The following DLG2 variants were observed in gnomAD, a reference collection of about 807,000 sequenced individuals.
The protein encoded by DLG2 is disks large homolog 2.
Under a neutral mutation model 132.5 loss-of-function variants are expected in DLG2, and 45 were observed. The observed-to-expected ratio is 0.34, with a 90% CI of 0.27 to 0.44. DLG2 has a LOEUF of 0.44. DLG2 is among the 20% of genes least tolerant of loss of function. The probability of loss-of-function intolerance (pLI) is 1.00; values close to 1 mark genes in which losing one functional copy is unlikely to be tolerated. For synonymous variants in DLG2, 424 were observed against 419.6 expected (o/e 1.01, Z -0.13); for missense variants, 1,045 against 1,196.9 (o/e 0.87, Z 1.87).
chr11:85,521,376 T>C (rs2074300770), intron 3 of DLG2, among the ~76,000 whole-genome samples: 1 of 152,198 alleles, frequency 6.6e-6, no homozygotes, highest in Non-Finnish European at 1.5e-5. Context: ...CCTTCTGCCA[T>C]GATTGTAAGT....
In DLG2 at chr11:83,516,663, C is replaced by T. The variant is rs534084971; in HGVS notation, c.2193+16045G>A. On this transcript the variant is annotated intron_variant, in intron 21 of 27. Transcript: ENST00000376104. ...GGCATGATTTTGCAGTGGCTGGTAC[C>T]GGTTGTTCATTTCCATGTTTAGTGC... 7.9e-4 allele frequency among the ~76,000 whole-genome samples: 121 copies of T among 152,244 alleles called. 1 individual carries two copies. Among genetic ancestry groups the T allele is most frequent in the Non-Finnish European group, 1.5e-3 (99 of 68,014 alleles).
intron 3 of DLG2, among the ~76,000 whole-genome samples, chr11:85,469,129 T>C (rs1391353189): frequency 1.3e-5 from 2 of 152,238 alleles, no homozygotes; most frequent in Non-Finnish European, 2.9e-5. Flanking sequence ...TCTATTTCTC[T>C]CATATCCAAT....
intron 3 of DLG2, among the ~76,000 whole-genome samples, chr11:85,285,677 T>C (rs1157710586): frequency 6.6e-6 from 1 of 151,910 alleles, no homozygotes; most frequent in South Asian, 2.1e-4. Context: ...AGCAAAAACA[T>C]AGATGAATCT....
chr11:84,819,580 A>G (rs992727655), intron 6 of DLG2, among the ~76,000 whole-genome samples: 25 of 151,822 alleles, frequency 1.6e-4, no homozygotes, highest in African/African-American at 5.8e-4. Flanking sequence ...TCACTCTACA[A>G]TCCGAGCCTG....
rs1485411031 is a variant in DLG2, at chr11:84,039,916, C to A, written c.919+19399G>T. 2.1e-3 allele frequency among the ~76,000 whole-genome samples: 314 copies of A among 147,186 alleles called. 2 individuals carry two copies. Among genetic ancestry groups the A allele is most frequent in the African/African-American group, 7.5e-3 (303 of 40,508 alleles). ...GACTTTTTAATGATTGCCATTCTAACTGGTGTGAGATGGTATCTCATTGTG... is the reference window on the plus strand; with the variant it reads ...GACTTTTTAATGATTGCCATTCTAAATGGTGTGAGATGGTATCTCATTGTG... On this transcript the variant is annotated intron_variant, in intron 11 of 27. Transcript: ENST00000376104.
In DLG2 at chr11:84,011,499, T is replaced by A. The variant is rs1045380656; in HGVS notation, c.920-30857A>T. 1.5e-3 allele frequency among the ~76,000 whole-genome samples: 234 copies of A among 151,914 alleles called. 1 individual carries two copies. Among genetic ancestry groups the A allele is most frequent in the African/African-American group, 5.4e-3 (223 of 41,514 alleles). On this transcript the variant is annotated intron_variant, in intron 11 of 27. Coordinates refer to ENST00000376104, the MANE Select transcript of DLG2 (RefSeq NM_001142699.3). ...TAAATAAATAAATAAATTAATTAAT[T>A]AATTAATAACAAGAAAAACCAGCTT...
chr11:84,546,586 C>T, intron 6 of DLG2: 1 of 462,760 alleles, frequency 2.2e-6, no homozygotes, highest in South Asian at 1.8e-5. Context: ...AGACAACTGT[C>T]TTTGGTTCCA....
At chr11:83,978,293 C>T (rs904626007) in intron 12 of DLG2, among the ~76,000 whole-genome samples, 1 of 151,804 alleles carries the variant, frequency 6.6e-6, no homozygotes, top group Admixed American at 6.6e-5. Flanking sequence ...AGAAGAGCTG[C>T]CTGCAACCAA....
chr11:84,375,346 C>A (rs766747686), intron 7 of DLG2, among the ~76,000 whole-genome samples: 1 of 152,062 alleles, frequency 6.6e-6, no homozygotes, highest in Non-Finnish European at 1.5e-5. Context: ...ATAATTATTG[C>A]GCTGTTTTTG....
chr11:83,881,330 T>C (rs559227769), intron 15 of DLG2, among the ~76,000 whole-genome samples: 13 of 152,180 alleles, frequency 8.5e-5, no homozygotes, highest in Non-Finnish European at 1.5e-4. Flanking sequence ...TACTTACACA[T>C]TGGATTTTGG....
intron 6 of DLG2, among the ~76,000 whole-genome samples, chr11:84,764,832 T>C (rs2068169506): frequency 6.6e-6 from 1 of 152,026 alleles, no homozygotes; most frequent in African/African-American, 2.4e-5. Context: ...GAGAAGGTGC[T>C]ACAAGCAGCT....
At position 85,309,019 on chromosome 11, in the gene DLG2, T is replaced by C. The variant is rs183872050; in HGVS notation, c.41-23654A>G. Among the ~76,000 whole-genome samples, 15 of 152,220 alleles carry C rather than the reference T, an allele frequency of 9.9e-5. No homozygotes were observed. In the East Asian group the frequency reaches 2.9e-3, roughly 29 times the overall value. On this transcript the variant is annotated intron_variant, in intron 3 of 27. Coordinates refer to ENST00000376104, the MANE Select transcript of DLG2 (RefSeq NM_001142699.3). ...GTTGGCCTTGGTCCTGTGTCTTGCTTTGGCCTATAGAATAGGGAGAAAATA... is the reference window on the plus strand; with the variant it reads ...GTTGGCCTTGGTCCTGTGTCTTGCTCTGGCCTATAGAATAGGGAGAAAATA...
chr11:85,371,968 A>G (rs2085017192), intron 3 of DLG2, among the ~76,000 whole-genome samples: 1 of 152,256 alleles, frequency 6.6e-6, no homozygotes, highest in Admixed American at 6.5e-5. Context: ...GTTTTTTAAC[A>G]AAAATGAGAA....
intron 3 of DLG2, among the ~76,000 whole-genome samples, chr11:85,358,156 G>A (rs915328846): frequency 1.3e-5 from 2 of 152,092 alleles, no homozygotes; most frequent in African/African-American, 4.8e-5. Context: ...CATGGCACCT[G>A]ACTGTAAACT....
At chr11:85,512,136 A>G (rs1238734434) in intron 3 of DLG2, among the ~76,000 whole-genome samples, 4 of 152,054 alleles carry the variant, frequency 2.6e-5, no homozygotes, top group Non-Finnish European at 5.9e-5. Context: ...AAGAACAGGT[A>G]CAGCAATAAG....
intron 7 of DLG2, among the ~76,000 whole-genome samples, chr11:84,469,799 A>C (rs984066837): frequency 1.5e-4 from 23 of 151,850 alleles, no homozygotes; most frequent in African/African-American, 5.3e-4. Flanking sequence ...TATAGGAAAT[A>C]CAGCCTCATA....
At chr11:85,427,058 G>C (rs927191298) in intron 3 of DLG2, among the ~76,000 whole-genome samples, 1 of 152,160 alleles carries the variant, frequency 6.6e-6, no homozygotes, top group African/African-American at 2.4e-5. Context: ...GAAATGAAGT[G>C]AGAAGGGAAG....
At chr11:85,112,954 C>G (rs941433592) in intron 5 of DLG2, among the ~76,000 whole-genome samples, 5 of 152,072 alleles carry the variant, frequency 3.3e-5, no homozygotes, top group Non-Finnish European at 7.4e-5. Flanking sequence ...TTCAGTACTC[C>G]TATCACACTA....
At chr11:84,417,925 G>T (rs1369111503) in intron 7 of DLG2, among the ~76,000 whole-genome samples, 1 of 152,020 alleles carries the variant, frequency 6.6e-6, no homozygotes, top group Admixed American at 6.6e-5. Context: ...CCCTTAACCC[G>T]ATTATACTCT....
Sources: allele counts gnomAD v4.1 joint callset (sites outside exome capture counted in the v4.1 genomes callset), GRCh38; gene constraint gnomAD v4.1.1; transcripts MANE v1.5; gene names NCBI Gene and HGNC (gene_info 2026-07-23, HGNC 2026-07-21).